PLCH2: variants seen among roughly 807,000 people sequenced by gnomAD.
PLCH2 encodes 1-phosphatidylinositol 4,5-bisphosphate phosphodiesterase eta-2.
Under a neutral mutation model 134.7 loss-of-function variants are expected in PLCH2, and 98 were observed. That is an observed-to-expected ratio of 0.73 (90% CI 0.62 to 0.86). The LOEUF (loss-of-function observed/expected upper bound fraction) is 0.86, where lower values mean the gene tolerates loss of function less well. PLCH2 is among the 40% of genes least tolerant of loss of function. The pLI, the probability that PLCH2 is intolerant of heterozygous loss-of-function variation, is 0.00. For missense variants in PLCH2, 1,994 were observed against 1,986.6 expected (o/e 1.00, Z -0.07); for synonymous variants, 974 against 827.5 (o/e 1.18, Z -3.04).
chr1:2,453,941 A>AGTGTGGGGGCCTCTGAGAGCCGAGT (rs540349582), intron 2 of PLCH2, among the ~76,000 whole-genome samples: 3 of 150,670 alleles, frequency 2.0e-5, no homozygotes, highest in South Asian at 4.2e-4. Context: ...GGCCCCAGCC[A>AGTGTGGGGGCCTCTGAGAGCCGAGT]GTGTGGGGGC....
chr1:2,486,528 G>T (rs1260937730), intron 5 of PLCH2, among the ~76,000 whole-genome samples: 3 of 152,232 alleles, frequency 2.0e-5, no homozygotes, highest in African/African-American at 7.2e-5. Flanking sequence ...AGTGGGAGGG[G>T]CTGGATGAGG....
Position 2,503,924 on chromosome 1 carries a change from AC to A in PLCH2, c.2965del (p.Arg989AlafsTer57). 1 of 585,774 alleles carries A rather than the reference AC, an allele frequency of 1.7e-6. No homozygotes were observed. Among genetic ancestry groups the A allele is most frequent in the Non-Finnish European group, 2.5e-6 (1 of 396,750 alleles). 36.3% of individuals were successfully genotyped at this position (585,774 alleles called of 1,614,324 possible). ...EGPGSGSPRD[T>X]RPLSTQRPLP... ...CTCACTCCCCCACCTCCCCACAGAC[AC>A]CCGCCCCCTCTCCACGCAGCGGCCA... On this transcript the variant is annotated frameshift_variant, in exon 22 of 22. Transcript: ENST00000378486. LOFTEE classifies it high-confidence loss of function.
At chr1:2,465,589 C>T (rs577712871), upstream of PLCH2, among the ~76,000 whole-genome samples, 7 of 152,174 alleles carry the variant, frequency 4.6e-5, no homozygotes, top group African/African-American at 7.2e-5. Flanking sequence ...GCCTGCCGCC[C>T]GCCACCTGCC....
At chr1:2,481,308 G>A (rs1473566417) in intron 4 of PLCH2, among the ~76,000 whole-genome samples, 1 of 152,254 alleles carries the variant, frequency 6.6e-6, no homozygotes, top group African/African-American at 2.4e-5. Context: ...ACTGCCCGGG[G>A]CTTGTGAAGG....
upstream of PLCH2, among the ~76,000 whole-genome samples, chr1:2,473,091 A>G (rs374503482): frequency 2.7e-3 from 409 of 152,288 alleles, 2 homozygotes; most frequent in African/African-American, 9.5e-3. Flanking sequence ...CATAAAAACA[A>G]AATTAAGCCA....
chr1:2,446,095 A>G (rs1199766924), intron 2 of PLCH2, among the ~76,000 whole-genome samples: 1 of 151,914 alleles, frequency 6.6e-6, no homozygotes, highest in African/African-American at 2.4e-5. Flanking sequence ...CCGGGCTTCC[A>G]CCCCCGTCCT....
intron 10 of PLCH2, 29 bp downstream of exon 10, chr1:2,489,896 G>C (rs551161028): frequency 1.4e-6 from 2 of 1,474,682 alleles, no homozygotes; most frequent in Non-Finnish European, 1.9e-6. Flanking sequence ...GGAGGGGGGC[G>C]CGTGGAGCCT....
intron 21 of PLCH2, chr1:2,502,882 C>G (rs771289032): frequency 2.8e-6 from 2 of 717,196 alleles, no homozygotes; most frequent in South Asian, 3.0e-5. Context: ...TGGAGGAGAT[C>G]AGGAGTAAAT....
the PLCH2 span, among the ~76,000 whole-genome samples, chr1:2,419,548 C>G: frequency 3.9e-5 from 6 of 152,254 alleles, no homozygotes; most frequent in Non-Finnish European, 1.5e-5. Context: ...AGGGTCTCCC[C>G]TGGGGATGTG....
At chr1:2,424,624 G>A (rs1053724324), upstream of PLCH2, among the ~76,000 whole-genome samples, 4 of 152,208 alleles carry the variant, frequency 2.6e-5, no homozygotes, top group Admixed American at 2.6e-4. Flanking sequence ...GCTGGGGCAG[G>A]CAGATCACTT....
intron 11 of PLCH2, 131 bp from the exon 12 acceptor site, chr1:2,494,725 T>A: frequency 4.1e-6 from 2 of 484,690 alleles, no homozygotes; most frequent in Non-Finnish European, 8.3e-6. Flanking sequence ...CCCTCCCGTC[T>A]GCCTTACTCC....
chr1:2,498,716 T>C lies in PLCH2; in HGVS notation c.2350-28T>C, dbSNP rs1187282699. 1.7e-5 allele frequency: 27 copies of C among 1,587,728 alleles called. No homozygotes were observed. The highest frequency in any genetic ancestry group is 3.4e-5 in the South Asian group (3 of 87,966). ...GCGGGCCGGGCATCGCGATGGGCCC[T>C]GATGCCACCCCCACTCCTGTGTCCC... On this transcript the variant is annotated intron_variant, in intron 17 of 21. Transcript: ENST00000378486. This position sits in a 1 kb window ranked among gnomAD's most constrained non-coding sequence, Gnocchi z 5.4.
intron 10 of PLCH2, 129 bp downstream of exon 10, chr1:2,489,996 C>A: frequency 1.4e-6 from 1 of 715,090 alleles, no homozygotes; most frequent in Admixed American, 2.1e-5. Flanking sequence ...GGCAGATTCG[C>A]ACAGCGGCCT....
At chr1:2,433,250 G>C (rs1370428192) in intron 2 of PLCH2, among the ~76,000 whole-genome samples, 1 of 152,268 alleles carries the variant, frequency 6.6e-6, no homozygotes, top group African/African-American at 2.4e-5. Flanking sequence ...TGTGGTGTGG[G>C]TGGTGGTGCT....
chr1:2,468,089 G>T (rs1274871902), intron 1 of PLCH2, among the ~76,000 whole-genome samples: 1 of 152,218 alleles, frequency 6.6e-6, no homozygotes, highest in African/African-American at 2.4e-5. Flanking sequence ...GCAGGTCTGG[G>T]GGTGCCAGGG....
chr1:2,473,379 C>T (rs903671496), upstream of PLCH2, among the ~76,000 whole-genome samples: 9 of 152,312 alleles, frequency 5.9e-5, no homozygotes, highest in South Asian at 6.2e-4. Context: ...TGCGTGTCAC[C>T]GTGGGGCCCG....
At position 2,502,095 on chromosome 1, in the gene PLCH2, G is replaced by C; in HGVS notation, c.2662-17G>C. The C allele has an allele frequency of 4.2e-6, 6 of 1,425,640 alleles. No individual in the cohort carries two copies. The highest frequency in any genetic ancestry group is 5.5e-6 in the Non-Finnish European group (6 of 1,094,070). 88.3% of individuals were successfully genotyped at this position (1,425,640 alleles called of 1,614,324 possible). A position where few individuals can be genotyped will look rare whatever the true frequency, so the allele number is the denominator to read the frequency against. On this transcript the variant is annotated splice_polypyrimidine_tract_variant and intron_variant, in intron 20 of 21. Transcript: ENST00000378486. ...TGGGACCCCTGGCAACAGCTACATG[G>C]GCTCCTTCTCTTGCAGGTCAAGCAG... is the stretch of plus-strand genomic sequence containing the variant.
At chr1:2,455,470 AG>A (rs1640445003) in intron 2 of PLCH2, among the ~76,000 whole-genome samples, 1 of 152,160 alleles carries the variant, frequency 6.6e-6, no homozygotes, top group Non-Finnish European at 1.5e-5. Context: ...GAGAGCACGT[AG>A]GGGCACAGGG....
rs780663729 is a variant in PLCH2, at chr1:2,496,718, G to A, written c.1933+14G>A. The A allele has an allele frequency of 1.2e-6, 2 of 1,610,012 alleles. No homozygotes were observed. Among genetic ancestry groups the A allele is most frequent in the Non-Finnish European group, 1.7e-6 (2 of 1,178,702 alleles). ...TAGAGATGGAGGGTGAGTGGCTCGG[G>A]GACCTGGGGCCACGGGCGGAGGCCT... On this transcript the variant is annotated intron_variant, in intron 14 of 21. Coordinates refer to ENST00000378486, the MANE Select transcript of PLCH2 (RefSeq NM_014638.4).
Sources: gnomAD v4.1 joint callset for allele counts (sites outside exome capture counted in the v4.1 genomes callset) on GRCh38, gnomAD v4.1.1 for gene constraint, Gnocchi (gnomAD v3.1) non-coding constraint, MANE v1.5 for transcripts, NCBI Gene and HGNC (gene_info 2026-07-23, HGNC 2026-07-21) for gene names.